Variants in SPOCK1 observed in about 807,000 individuals in gnomAD.
SPOCK1 encodes the protein SPARC (osteonectin), cwcv and kazal like domains proteoglycan 1.
SPOCK1 carries 23 observed loss-of-function variants against 55.3 expected under a neutral mutation model. The observed-to-expected ratio is 0.42, with a 90% CI of 0.30 to 0.59. The LOEUF (loss-of-function observed/expected upper bound fraction) is 0.59, where lower values mean the gene tolerates loss of function less well. Among genes scored for constraint, SPOCK1 ranks in the 20% least tolerant of loss-of-function variants. The pLI is 0.22. For missense variants in SPOCK1, 499 were observed against 552.5 expected, an observed-to-expected ratio of 0.90 and a Z score of 0.97; for synonymous variants, 226 against 221.0, an observed-to-expected ratio of 1.02 and a Z score of -0.20.
intron 4 of SPOCK1, among the ~76,000 whole-genome samples, chr5:137,133,448 C>T (rs1226997062): frequency 1.3e-5 from 2 of 152,122 alleles, no homozygotes; most frequent in African/African-American, 4.8e-5. Flanking sequence ...CAATATCTGC[C>T]TCTCATTCTG....
chr5:137,133,273 G>A (rs1456502429), intron 4 of SPOCK1, among the ~76,000 whole-genome samples: 2 of 151,848 alleles, frequency 1.3e-5, no homozygotes, highest in Non-Finnish European at 2.9e-5. Context: ...GGGAGGCTGA[G>A]GCAGAAAAAT....
At chr5:137,356,828 T>TAG (rs1750820221) in intron 2 of SPOCK1, among the ~76,000 whole-genome samples, 5 of 14,916 alleles carry the variant, frequency 3.4e-4, no homozygotes, top group Non-Finnish European at 3.8e-4. Flanking sequence ...TATATATATA[T>TAG]ATATATATAT....
chr5:137,008,305 C>CACACACACAA (rs1751290093), intron 6 of SPOCK1, among the ~76,000 whole-genome samples: 1 of 150,260 alleles, frequency 6.7e-6, no homozygotes, highest in Non-Finnish European at 1.5e-5. Context: ...TACACACACA[C>CACACACACAA]ACACACACAC....
chr5:137,200,678 T>G (rs1324626224), intron 3 of SPOCK1, among the ~76,000 whole-genome samples: 1 of 152,248 alleles, frequency 6.6e-6, no homozygotes, highest in Non-Finnish European at 1.5e-5. Context: ...TTATTTTAAG[T>G]TCTGTGATAC....
intron 3 of SPOCK1, among the ~76,000 whole-genome samples, chr5:137,191,888 GA>G (rs1487458631): frequency 6.6e-6 from 1 of 152,094 alleles, no homozygotes; most frequent in Non-Finnish European, 1.5e-5. Flanking sequence ...TGTCCTTGCG[GA>G]AAAGATACAG....
At chr5:137,254,568 C>A (rs915211128) in intron 3 of SPOCK1, among the ~76,000 whole-genome samples, 2 of 152,192 alleles carry the variant, frequency 1.3e-5, no homozygotes, top group South Asian at 2.1e-4. Context: ...AGCATCCATA[C>A]GCGTTTGAGA....
At chr5:137,144,730 A>T (rs892620) in intron 3 of SPOCK1, among the ~76,000 whole-genome samples, 136,344 of 152,156 alleles carry the variant, frequency 0.9, 61,164 homozygotes, top group African/African-American at 0.93. Context: ...CTGCACTTTG[A>T]AAAGGGAAGG....
chr5:137,121,215 C>G (rs1580761391), intron 4 of SPOCK1, among the ~76,000 whole-genome samples: 1 of 152,168 alleles, frequency 6.6e-6, no homozygotes, highest in Non-Finnish European at 1.5e-5. Context: ...GATTATTAAA[C>G]ATAATGATCA....
intron 2 of SPOCK1, among the ~76,000 whole-genome samples, chr5:137,356,873 A>AGAGAGAGATAGT (rs796667572): frequency 1.4e-5 from 1 of 69,824 alleles, no homozygotes; most frequent in African/African-American, 7.3e-5. Flanking sequence ...AGAGAGAGAG[A>AGAGAGAGATAGT]GAGTATGCAG....
chr5:137,149,269 G>GGCAACAGGA, intron 3 of SPOCK1, among the ~76,000 whole-genome samples: 1 of 152,294 alleles, frequency 6.6e-6, no homozygotes, highest in East Asian at 1.9e-4. Context: ...GGGCAGTGTA[G>GGCAACAGGA]GCAACAGGAG....
chr5:137,487,385 C>T (rs1048538005), intron 2 of SPOCK1, among the ~76,000 whole-genome samples: 2 of 147,024 alleles, frequency 1.4e-5, no homozygotes, highest in Non-Finnish European at 3.0e-5. Context: ...GAACTGACTA[C>T]ACCAAAAAGA....
At chr5:136,982,773 T>C (rs1303574081) in intron 9 of SPOCK1, among the ~76,000 whole-genome samples, 1 of 152,202 alleles carries the variant, frequency 6.6e-6, no homozygotes, top group Non-Finnish European at 1.5e-5. Flanking sequence ...TAGTTCTTTC[T>C]GGGATCATTT....
At chr5:137,361,286 AG>A (rs902838033) in intron 2 of SPOCK1, among the ~76,000 whole-genome samples, 4 of 152,190 alleles carry the variant, frequency 2.6e-5, no homozygotes, top group African/African-American at 7.2e-5. Context: ...TAGCAGCCTG[AG>A]CTATGACAAT....
chr5:137,200,565 A>G (rs1458789257), intron 3 of SPOCK1, among the ~76,000 whole-genome samples: 2 of 152,234 alleles, frequency 1.3e-5, no homozygotes, highest in African/African-American at 4.8e-5. Flanking sequence ...TTGGCACATA[A>G]TAGGTAGGTA....
At chr5:137,225,143 G>A (rs778369778) in intron 3 of SPOCK1, among the ~76,000 whole-genome samples, 11 of 151,824 alleles carry the variant, frequency 7.2e-5, no homozygotes, top group Admixed American at 2.0e-4. Flanking sequence ...TCCTGAAATC[G>A]GCCATCCCCA....
intron 3 of SPOCK1, among the ~76,000 whole-genome samples, chr5:137,203,434 C>G (rs750388044): frequency 6.6e-6 from 1 of 152,070 alleles, no homozygotes; most frequent in Non-Finnish European, 1.5e-5. Context: ...ACATGTCACT[C>G]ATCTCATGAA....
chr5:137,050,414 C>T (rs1443946487), intron 6 of SPOCK1, among the ~76,000 whole-genome samples: 19 of 148,380 alleles, frequency 1.3e-4, no homozygotes, highest in African/African-American at 4.0e-4. Flanking sequence ...CCAGGTGCGT[C>T]CGTCACCCCT....
intron 6 of SPOCK1, among the ~76,000 whole-genome samples, chr5:137,061,460 C>T (rs1752393115): frequency 6.6e-6 from 1 of 152,200 alleles, no homozygotes; most frequent in Non-Finnish European, 1.5e-5. Context: ...GACTATTTTT[C>T]TACTGTTCTA....
chr5:137,029,856 G>A (rs1751743395), intron 6 of SPOCK1, among the ~76,000 whole-genome samples: 1 of 152,100 alleles, frequency 6.6e-6, no homozygotes, highest in Non-Finnish European at 1.5e-5. Context: ...AAGAAGAAAG[G>A]GTACTAGAGG....
Sources: allele counts gnomAD v4.1 joint callset (sites outside exome capture counted in the v4.1 genomes callset), GRCh38; gene constraint gnomAD v4.1.1; transcripts MANE v1.5; gene names NCBI Gene and HGNC (gene_info 2026-07-23, HGNC 2026-07-21).